The following GABRB3 variants were observed in gnomAD, a reference collection of about 807,000 sequenced individuals.
GABRB3 encodes gamma-aminobutyric acid receptor subunit beta-3.
A neutral mutation model predicts 52.1 loss-of-function variants in GABRB3; 14 were observed. That is an observed-to-expected ratio of 0.27 (90% CI 0.18 to 0.42). GABRB3 has a LOEUF of 0.42. Among genes scored for constraint, GABRB3 ranks in the 10% least tolerant of loss-of-function variants. GABRB3 has a pLI of 1.00. For synonymous variants in GABRB3, 260 were observed against 232.3 expected, an observed-to-expected ratio of 1.12 and a Z score of -1.08; for missense variants, 307 against 609.1, an observed-to-expected ratio of 0.50 and a Z score of 5.22.
intron 4 of GABRB3, among the ~76,000 whole-genome samples, chr15:26,587,398 G>A (rs1391760598): frequency 1.1e-4 from 17 of 152,194 alleles, no homozygotes. Flanking sequence ...GATAGAAGAA[G>A]TAGCTGAACA....
chr15:26,729,076 A>G (rs773877223), intron 3 of GABRB3, among the ~76,000 whole-genome samples: 1 of 152,170 alleles, frequency 6.6e-6, no homozygotes, highest in African/African-American at 2.4e-5. Context: ...TTTTAAAAAT[A>G]TATTTATCAT....
At chr15:26,714,123 T>C (rs148620954) in intron 3 of GABRB3, among the ~76,000 whole-genome samples, 45 of 152,372 alleles carry the variant, frequency 3.0e-4, no homozygotes, top group Non-Finnish European at 6.0e-4. Context: ...GCAGAATATT[T>C]AGACGTCTGA....
Position 26,544,431 on chromosome 15 carries a change from A to T in GABRB3, c.*3362T>A, listed in dbSNP as rs1441903780. ...CTTTCAGGGAGTGACTGAACATGTC[A>T]AAGTTCTGGGTGCTGGCGTTAAAAA... On this transcript the variant is annotated 3_prime_UTR_variant, in exon 9 of 9. Coordinates refer to ENST00000311550, the MANE Select transcript of GABRB3 (RefSeq NM_000814.6). The T allele has an allele frequency of 6.6e-6, 1 of 152,594 alleles. No individual in the cohort carries two copies. The highest frequency in any genetic ancestry group is 1.5e-5 in the Non-Finnish European group (1 of 68,062). The allele number at this position is 152,594 out of a possible 1,614,324, so 9.5% of individuals were successfully genotyped here.
intron 5 of GABRB3, among the ~76,000 whole-genome samples, chr15:26,582,145 A>G (rs571735339): frequency 6.6e-6 from 1 of 152,314 alleles, no homozygotes; most frequent in East Asian, 1.9e-4. Flanking sequence ...GGGACCTCAC[A>G]CATGGAGAGA....
rs141344637 is a variant in GABRB3 at position 26,769,126 on chromosome 15, T to G, written c.240+3276A>C. On this transcript the variant is annotated intron_variant, in intron 3 of 8. Transcript: ENST00000311550. ...GCAACAACAGCATCATTGTTGTGTATTATCTGTTACTGTTCTCTGCAATCA... is the reference window on the plus strand; with the variant it reads ...GCAACAACAGCATCATTGTTGTGTAGTATCTGTTACTGTTCTCTGCAATCA... 2.0e-3 allele frequency among the ~76,000 whole-genome samples: 302 copies of G among 152,340 alleles called. 1 individual carries two copies. The highest frequency in any genetic ancestry group is 6.4e-3 in the African/African-American group (265 of 41,580).
chr15:26,620,013 T>C (rs1411435997), intron 4 of GABRB3, among the ~76,000 whole-genome samples: 4 of 152,108 alleles, frequency 2.6e-5, no homozygotes, highest in African/African-American at 9.7e-5. Flanking sequence ...TTAGTTTTTT[T>C]GGGTGTGGGG....
intron 3 of GABRB3, chr15:26,629,153 G>A: frequency 6.6e-7 from 1 of 1,506,256 alleles, no homozygotes; most frequent in East Asian, 2.5e-5. Context: ...GCGCAGGGGC[G>A]GAGTGTGGGG....
At chr15:26,659,477 G>A (rs940186870) in intron 3 of GABRB3, among the ~76,000 whole-genome samples, 9 of 152,158 alleles carry the variant, frequency 5.9e-5, no homozygotes, top group South Asian at 2.1e-4. Flanking sequence ...AGCCAAGATC[G>A]TGCCACTGCA....
rs71130258 is a variant in GABRB3 at position 26,554,176 on chromosome 15, G to GTATATATATATATATA, written c.1081-6043_1081-6042insTATATATATATATATA. On this transcript the variant is annotated intron_variant, in intron 8 of 8. Transcript: ENST00000311550. ...TATATATAAAGTATATATATATAAA[G>GTATATATATATATATA]TATATATATATATACTATATATATA... Among the ~76,000 whole-genome samples, 39 of 27,336 alleles carry GTATATATATATATATA rather than the reference G, an allele frequency of 1.4e-3. 3 individuals carry two copies. The highest frequency in any genetic ancestry group is 0.056 in the Middle Eastern group (1 of 18). The allele number at this position is 27,336 out of a possible 152,430, so 17.9% of individuals were successfully genotyped here.
In GABRB3 at chr15:26,685,602, A is replaced by G. The variant is rs1888375605; in HGVS notation, c.241-64068T>C. Among the ~76,000 whole-genome samples, 3 of 152,198 alleles carry G rather than the reference A, an allele frequency of 2.0e-5. No homozygotes were observed. In the South Asian group the frequency reaches 6.2e-4, roughly 32 times the overall value. ...AGCAGATGAGATTATCTCAAAAAGTAATGCAGGATGAAAGAAATCATTAGA... is the reference window on the plus strand; with the variant it reads ...AGCAGATGAGATTATCTCAAAAAGTGATGCAGGATGAAAGAAATCATTAGA... On this transcript the variant is annotated intron_variant, in intron 3 of 8. Transcript: ENST00000311550.
In GABRB3 at chr15:26,656,802, T is replaced by A. The variant is rs141797872; in HGVS notation, c.241-35268A>T. Among the ~76,000 whole-genome samples, 6 of 152,310 alleles carry A rather than the reference T, an allele frequency of 3.9e-5. No homozygotes were observed. The East Asian group carries it at 1.2e-3, about 29-fold the overall frequency. ...AAAAAAGTGTCTTCCACGAAACAGA[T>A]GCCTGGTGCCAAAAAGGTTGGGGAC... On this transcript the variant is annotated intron_variant, in intron 3 of 8. Transcript: ENST00000311550.
At chr15:26,718,879 C>T (rs1889570787) in intron 3 of GABRB3, among the ~76,000 whole-genome samples, 1 of 152,206 alleles carries the variant, frequency 6.6e-6, no homozygotes, top group African/African-American at 2.4e-5. Context: ...TGATCAGATC[C>T]GACCCCCTCT....
At chr15:26,590,764 T>C in intron 4 of GABRB3, among the ~76,000 whole-genome samples, 1 of 152,214 alleles carries the variant, frequency 6.6e-6, no homozygotes, top group Non-Finnish European at 1.5e-5. Flanking sequence ...TTGACTATGT[T>C]AGCAGCCAAT....
At chr15:26,642,612 T>TC (rs988763710) in intron 3 of GABRB3, 1 of 675,954 alleles carries the variant, frequency 1.5e-6, no homozygotes, top group Non-Finnish European at 2.3e-6. Flanking sequence ...CTACACATAA[T>TC]CCCCCCTCCT....
At chr15:26,568,646 T>C (rs1363821548) in intron 6 of GABRB3, among the ~76,000 whole-genome samples, 1 of 148,530 alleles carries the variant, frequency 6.7e-6, no homozygotes, top group Non-Finnish European at 1.5e-5. Context: ...TACAGGTGCC[T>C]GCCACCATGC....
intron 3 of GABRB3, among the ~76,000 whole-genome samples, chr15:26,746,528 A>G (rs190879726): frequency 6.7e-6 from 1 of 148,516 alleles, no homozygotes; most frequent in Admixed American, 6.7e-5. Context: ...TGTCCTAAAG[A>G]TGTTTTTATG....
At chr15:26,552,222 G>T (rs1889499154) in intron 8 of GABRB3, among the ~76,000 whole-genome samples, 1 of 151,966 alleles carries the variant, frequency 6.6e-6, no homozygotes, top group Non-Finnish European at 1.5e-5. Context: ...GGTCAGGCTG[G>T]TCTCAAACTC....
intron 3 of GABRB3, among the ~76,000 whole-genome samples, chr15:26,685,083 T>A (rs1420799555): frequency 6.6e-6 from 1 of 152,210 alleles, no homozygotes; most frequent in African/African-American, 2.4e-5. Flanking sequence ...AGGGGTCAGA[T>A]GACACTGAAG....
chr15:26,721,264 GAGA>G (rs1566818737), intron 3 of GABRB3, among the ~76,000 whole-genome samples: 1 of 152,154 alleles, frequency 6.6e-6, no homozygotes, highest in East Asian at 1.9e-4. Flanking sequence ...CTGCAGGCAG[GAGA>G]AGCTCTGGAA....
Sources: allele counts gnomAD v4.1 joint callset (sites outside exome capture counted in the v4.1 genomes callset), GRCh38; gene constraint gnomAD v4.1.1; transcripts MANE v1.5; gene names NCBI Gene and HGNC (gene_info 2026-07-23, HGNC 2026-07-21).